KCNIP4: variants seen among roughly 807,000 people sequenced by gnomAD.
KCNIP4 encodes potassium voltage-gated channel interacting protein 4.
In KCNIP4, 12 loss-of-function variants were observed where a neutral mutation model predicts 34.0. The ratio of observed to expected loss-of-function variants is 0.35; its 90% CI spans 0.23 to 0.57. The LOEUF is 0.57. KCNIP4 is among the 20% of genes least tolerant of loss of function. The pLI, the probability that KCNIP4 is intolerant of heterozygous loss-of-function variation, is 0.83. For missense variants in KCNIP4, 238 were observed against 311.7 expected (o/e 0.76, Z 1.78); for synonymous variants, 124 against 102.2 (o/e 1.21, Z -1.29).
chr4:21,382,873 C>T (rs1020277406), intron 1 of KCNIP4, among the ~76,000 whole-genome samples: 1 of 152,192 alleles, frequency 6.6e-6, no homozygotes, highest in Non-Finnish European at 1.5e-5. Context: ...GTTCCAGATA[C>T]TGTGTATACA....
At chr4:20,744,058 A>G (rs371386489) in intron 5 of KCNIP4, among the ~76,000 whole-genome samples, 7 of 152,208 alleles carry the variant, frequency 4.6e-5, no homozygotes, top group Admixed American at 2.6e-4. Context: ...CAAAACCACA[A>G]TGAGATACCA....
chr4:21,015,786 T>G (rs1285658733), intron 1 of KCNIP4, among the ~76,000 whole-genome samples: 1 of 135,894 alleles, frequency 7.4e-6, no homozygotes, highest in Non-Finnish European at 1.5e-5. Flanking sequence ...TATAAATATA[T>G]AAATATATAT....
chr4:21,841,172 C>T (rs957196), intron 1 of KCNIP4, among the ~76,000 whole-genome samples: 62,585 of 151,924 alleles, frequency 0.41, 13,954 homozygotes, highest in East Asian at 0.71. Flanking sequence ...TTCTTTCTTA[C>T]AATTCTCATA....
intron 1 of KCNIP4, among the ~76,000 whole-genome samples, chr4:21,811,728 GA>G (rs1721666248): frequency 6.6e-6 from 1 of 152,196 alleles, no homozygotes; most frequent in African/African-American, 2.4e-5. Context: ...ATTTGACCAA[GA>G]AAAGGAATGT....
chr4:21,528,567 T>C (rs528903229), intron 1 of KCNIP4, among the ~76,000 whole-genome samples: 61 of 151,338 alleles, frequency 4.0e-4, no homozygotes, highest in African/African-American at 1.5e-3. Flanking sequence ...CTCAGGAGGT[T>C]GAGACAGGAC....
chr4:21,674,027 G>A (rs1031519366), intron 1 of KCNIP4, among the ~76,000 whole-genome samples: 3 of 152,184 alleles, frequency 2.0e-5, no homozygotes, highest in Non-Finnish European at 2.9e-5. Flanking sequence ...CAAAAATGAA[G>A]ATAAACAATG....
intron 1 of KCNIP4, among the ~76,000 whole-genome samples, chr4:21,504,186 G>A (rs1446145718): frequency 6.6e-6 from 1 of 152,050 alleles, no homozygotes; most frequent in Non-Finnish European, 1.5e-5. Context: ...GGTAGAAATG[G>A]GCTAGGTGCA....
At chr4:21,505,625 G>C (rs561698542) in intron 1 of KCNIP4, among the ~76,000 whole-genome samples, 1 of 152,020 alleles carries the variant, frequency 6.6e-6, no homozygotes, top group Non-Finnish European at 1.5e-5. Flanking sequence ...TTCTCCATCT[G>C]TATTATTTGT....
At chr4:21,758,991 G>C (rs28378411) in intron 1 of KCNIP4, among the ~76,000 whole-genome samples, 2 of 151,956 alleles carry the variant, frequency 1.3e-5, no homozygotes, top group Non-Finnish European at 2.9e-5. Flanking sequence ...CTGAGTTGTA[G>C]AAACCACTTT....
intron 1 of KCNIP4, among the ~76,000 whole-genome samples, chr4:21,892,300 G>A (rs1225768127): frequency 6.7e-6 from 1 of 149,668 alleles, no homozygotes; most frequent in Non-Finnish European, 1.5e-5. Context: ...GTTCATATTA[G>A]GTGACTCGAT....
chr4:21,393,668 T>C (rs1722742860), intron 1 of KCNIP4, among the ~76,000 whole-genome samples: 2 of 152,166 alleles, frequency 1.3e-5, no homozygotes, highest in Admixed American at 1.3e-4. Flanking sequence ...AGAAATGAAT[T>C]TTTTTCAATC....
rs1225807156 is a variant in KCNIP4 at position 21,234,070 on chromosome 4, A to G, written c.62-351361T>C. On this transcript the variant is annotated intron_variant, in intron 1 of 8. Transcript: ENST00000382152. The stretch of plus-strand genomic sequence containing the variant: ...ATATAACACATAACATATATAACAT[A>G]ACATAACATATAACGTATATTATAT... 1.5e-3 allele frequency among the ~76,000 whole-genome samples: 154 copies of G among 105,366 alleles called. 4 individuals carry two copies. The highest frequency in any genetic ancestry group is 2.3e-3 in the Admixed American group (21 of 9,292). 69.1% of individuals were successfully genotyped at this position (105,366 alleles called of 152,430 possible).
intron 2 of KCNIP4, among the ~76,000 whole-genome samples, chr4:20,864,085 T>C (rs561400699): frequency 2.1e-4 from 30 of 146,282 alleles, no homozygotes; most frequent in Middle Eastern, 3.5e-3. Flanking sequence ...TGTATGTATG[T>C]ATATGCATGT....
At chr4:20,868,523 A>G (rs1233231162) in intron 2 of KCNIP4, among the ~76,000 whole-genome samples, 3 of 152,118 alleles carry the variant, frequency 2.0e-5, no homozygotes, top group African/African-American at 7.2e-5. Flanking sequence ...ATTCTACCAA[A>G]AAGACACATG....
chr4:21,911,486 T>A (rs1728308090), intron 1 of KCNIP4, among the ~76,000 whole-genome samples: 1 of 140,582 alleles, frequency 7.1e-6, no homozygotes. Context: ...TTTTTACAAC[T>A]CCAATCCTGA....
intron 1 of KCNIP4, among the ~76,000 whole-genome samples, chr4:20,936,626 T>C (rs546504843): frequency 2.0e-5 from 3 of 152,290 alleles, no homozygotes; most frequent in East Asian, 3.9e-4. Context: ...ACTCAGACTG[T>C]ACAATACTCT....
chr4:21,060,930 T>A (rs1743859120), intron 1 of KCNIP4, among the ~76,000 whole-genome samples: 2 of 152,156 alleles, frequency 1.3e-5, no homozygotes, highest in African/African-American at 4.8e-5. Context: ...AATGTGAAAA[T>A]GTTGTACGGA....
At chr4:21,330,765 A>G (rs1715552155) in intron 1 of KCNIP4, among the ~76,000 whole-genome samples, 1 of 152,116 alleles carries the variant, frequency 6.6e-6, no homozygotes, top group Non-Finnish European at 1.5e-5. Flanking sequence ...CAAGTGAATG[A>G]TTACCTCTTG....
intron 1 of KCNIP4, among the ~76,000 whole-genome samples, chr4:21,353,539 A>C (rs1432791000): frequency 6.6e-6 from 1 of 152,218 alleles, no homozygotes; most frequent in Non-Finnish European, 1.5e-5. Flanking sequence ...AGTGGAAGAA[A>C]GGATATCAGT....
Sources: allele counts gnomAD v4.1 joint callset (sites outside exome capture counted in the v4.1 genomes callset), GRCh38; gene constraint gnomAD v4.1.1; transcripts MANE v1.5; gene names NCBI Gene and HGNC (gene_info 2026-07-23, HGNC 2026-07-21).